Variants in CGNL1 observed in about 807,000 individuals in gnomAD.
The protein encoded by CGNL1 is cingulin-like protein 1.
Under a neutral mutation model 141.2 loss-of-function variants are expected in CGNL1, and 132 were observed. The observed-to-expected ratio is 0.93, with a 90% CI of 0.81 to 1.08. The LOEUF is 1.08. Among genes scored for constraint, CGNL1 ranks in the 50% least tolerant of loss-of-function variants. The probability of loss-of-function intolerance (pLI) is 0.00; values close to 1 mark genes in which losing one functional copy is unlikely to be tolerated. For missense variants in CGNL1, 1,870 were observed against 1,588.6 expected (o/e 1.18, Z -3.01); for synonymous variants, 690 against 622.1 (o/e 1.11, Z -1.63).
intron 14 of CGNL1, among the ~76,000 whole-genome samples, chr15:57,541,100 A>G (rs1284999650): frequency 6.6e-6 from 1 of 152,232 alleles, no homozygotes; most frequent in African/African-American, 2.4e-5. Context: ...GGGGGCCCTT[A>G]CAGCGTGTCT....
chr15:57,466,675 A>G (rs1465209745), intron 8 of CGNL1, among the ~76,000 whole-genome samples: 2 of 152,192 alleles, frequency 1.3e-5, no homozygotes, highest in South Asian at 2.1e-4. Context: ...GGTTAGATGA[A>G]TGAATAGACA....
At chr15:57,464,836 A>C (rs1268819454) in intron 8 of CGNL1, among the ~76,000 whole-genome samples, 1 of 146,952 alleles carries the variant, frequency 6.8e-6, no homozygotes, top group East Asian at 2.0e-4. Context: ...TGCAGCCTAC[A>C]CCTCCCAGGT....
intron 1 of CGNL1, among the ~76,000 whole-genome samples, chr15:57,417,665 G>T (rs1468681168): frequency 2.0e-5 from 3 of 146,978 alleles, no homozygotes; most frequent in South Asian, 2.1e-4. Flanking sequence ...AGTCTCTCTC[G>T]TTCATTTATT....
chr15:57,470,475 G>A lies in CGNL1; in HGVS notation c.2403+8583G>A, dbSNP rs116517062. On this transcript the variant is annotated intron_variant, in intron 8 of 18. Coordinates refer to ENST00000281282, the MANE Select transcript of CGNL1 (RefSeq NM_032866.5). ...TCAGTGGCTGTCATGAAAAAACTCT[G>A]GGGGGCTGGGTAATGGACAGATCTC... is the stretch of plus-strand genomic sequence containing the variant. Among the ~76,000 whole-genome samples the A allele has an allele frequency of 4.2e-3, 644 of 152,050 alleles. 6 individuals are homozygous for A. Among genetic ancestry groups the A allele is most frequent in the African/African-American group, 0.015 (609 of 41,490 alleles).
chr15:57,476,120 A>G (rs1014948668), intron 8 of CGNL1, among the ~76,000 whole-genome samples: 1 of 152,194 alleles, frequency 6.6e-6, no homozygotes, highest in Non-Finnish European at 1.5e-5. Context: ...CAGACAAGAA[A>G]GCTGACAGCC....
chr15:57,469,542 T>C (rs1173608153), intron 8 of CGNL1, among the ~76,000 whole-genome samples: 1 of 151,968 alleles, frequency 6.6e-6, no homozygotes, highest in East Asian at 1.9e-4. Context: ...TAACAGTCTA[T>C]TGGGGGAGTT....
At chr15:57,497,841 C>T (rs990641639) in intron 8 of CGNL1, among the ~76,000 whole-genome samples, 13 of 152,230 alleles carry the variant, frequency 8.5e-5, no homozygotes, top group African/African-American at 3.1e-4. Flanking sequence ...AGAAGCCCAG[C>T]TGTTGTATAG....
intron 7 of CGNL1, among the ~76,000 whole-genome samples, chr15:57,455,842 G>T (rs969464077): frequency 6.6e-6 from 1 of 152,064 alleles, no homozygotes; most frequent in Non-Finnish European, 1.5e-5. Flanking sequence ...ATGTGTTCAG[G>T]CAGAGGCTGA....
intron 4 of CGNL1, among the ~76,000 whole-genome samples, chr15:57,450,937 A>G (rs2063314729): frequency 6.6e-6 from 1 of 152,178 alleles, no homozygotes; most frequent in African/African-American, 2.4e-5. Flanking sequence ...TGCCCCATAA[A>G]AGTTCATAAT....
At chr15:57,506,142 T>A (rs1676045859) in intron 8 of CGNL1, among the ~76,000 whole-genome samples, 1 of 152,252 alleles carries the variant, frequency 6.6e-6, no homozygotes, top group Non-Finnish European at 1.5e-5. Flanking sequence ...ATGTGGTCTG[T>A]CTGTGACAGC....
rs367954453 is a variant in CGNL1 at position 57,545,583 on chromosome 15, C to G, written c.3501-9C>G. 44 of 1,610,462 alleles carry G rather than the reference C, an allele frequency of 2.7e-5. No homozygotes were observed. The East Asian group carries it at 3.3e-4, about 12-fold the overall frequency. On this transcript the variant is annotated splice_polypyrimidine_tract_variant and intron_variant, in intron 16 of 18. Coordinates refer to ENST00000281282, the MANE Select transcript of CGNL1 (RefSeq NM_032866.5). ...GAGAGGGTTCTTGGTTCTGTCTCCC[C>G]TCTTCCAGGGATCGGGCCAATCTTC...
At chr15:57,537,883 T>C (rs2032347652) in intron 14 of CGNL1, among the ~76,000 whole-genome samples, 1 of 152,280 alleles carries the variant, frequency 6.6e-6, no homozygotes, top group Admixed American at 6.5e-5. Flanking sequence ...CTATTTAATG[T>C]AGTTGAAGGG....
chr15:57,539,248 T>C (rs886524256), intron 14 of CGNL1, among the ~76,000 whole-genome samples: 1 of 152,172 alleles, frequency 6.6e-6, no homozygotes, highest in African/African-American at 2.4e-5. Context: ...GAAAATAATC[T>C]ACCTTCCGTC....
At chr15:57,521,897 G>A (rs1283575465) in intron 10 of CGNL1, among the ~76,000 whole-genome samples, 1 of 152,132 alleles carries the variant, frequency 6.6e-6, no homozygotes, top group African/African-American at 2.4e-5. Flanking sequence ...TCTACAGGAA[G>A]CCATTGGGGG....
At chr15:57,436,552 A>G (rs2063108148) in intron 1 of CGNL1, among the ~76,000 whole-genome samples, 1 of 152,218 alleles carries the variant, frequency 6.6e-6, no homozygotes, top group Non-Finnish European at 1.5e-5. Flanking sequence ...TGGGGAGTCT[A>G]TTAGTAGGAA....
chr15:57,413,191 T>TTTC (rs1567101452), intron 1 of CGNL1, among the ~76,000 whole-genome samples: 8 of 65,668 alleles, frequency 1.2e-4, no homozygotes, highest in African/African-American at 5.5e-4. Flanking sequence ...CTTTCTCTCT[T>TTTC]TCTCTTTCTC....
chr15:57,382,378 A>G (rs2062434301), intron 1 of CGNL1, among the ~76,000 whole-genome samples: 1 of 152,222 alleles, frequency 6.6e-6, no homozygotes, highest in African/African-American at 2.4e-5. Context: ...ATTAGTGCAC[A>G]GAGCATTTGT....
chr15:57,450,049 C>CTTCAT (rs1391633470), intron 4 of CGNL1, among the ~76,000 whole-genome samples: 3 of 152,174 alleles, frequency 2.0e-5, no homozygotes, highest in African/African-American at 7.2e-5. Flanking sequence ...GGACATGAGA[C>CTTCAT]TTCAACTAAT....
At chr15:57,393,866 TACTA>T (rs2062570103) in intron 1 of CGNL1, 1 of 152,076 alleles carries the variant, frequency 6.6e-6, no homozygotes, top group African/African-American at 2.4e-5. Flanking sequence ...CAATTAATGA[TACTA>T]ACACTTCTAT....
Sources: allele counts gnomAD v4.1 joint callset (sites outside exome capture counted in the v4.1 genomes callset), GRCh38; gene constraint gnomAD v4.1.1; transcripts MANE v1.5; gene names NCBI Gene and HGNC (gene_info 2026-07-23, HGNC 2026-07-21).